CEP128: variants seen among roughly 807,000 people sequenced by gnomAD.
CEP128 encodes the protein centrosomal protein 128kDa.
A neutral mutation model predicts 156.7 loss-of-function variants in CEP128; 132 were observed. The observed-to-expected ratio is 0.84, with a 90% CI of 0.73 to 0.97. CEP128 has a LOEUF of 0.97. CEP128 is among the 50% of genes least tolerant of loss of function. The probability of loss-of-function intolerance (pLI) is 0.00; values close to 1 mark genes in which losing one functional copy is unlikely to be tolerated. For synonymous variants in CEP128, 469 were observed against 448.9 expected (o/e 1.04, Z -0.57); for missense variants, 1,252 against 1,281.9 (o/e 0.98, Z 0.36).
chr14:80,789,168 G>A (rs919298557), intron 14 of CEP128, among the ~76,000 whole-genome samples: 3 of 152,178 alleles, frequency 2.0e-5, no homozygotes, highest in Admixed American at 6.6e-5. Context: ...AAGATGTGAT[G>A]AGAACAACAT....
chr14:80,571,927 G>A (rs1008907831), intron 20 of CEP128, among the ~76,000 whole-genome samples: 2 of 152,208 alleles, frequency 1.3e-5, no homozygotes, highest in Non-Finnish European at 2.9e-5. Flanking sequence ...GAGTCTCAGC[G>A]ACATTATCCA....
At position 80,756,812 on chromosome 14, in the gene CEP128, C is replaced by A. The variant is rs182196024; in HGVS notation, c.2613+80G>T. 200 of 925,550 alleles carry A rather than the reference C, an allele frequency of 2.2e-4. 1 individual carries two copies. The highest frequency in any genetic ancestry group is 6.2e-5 in the Non-Finnish European group (36 of 583,556). The allele number at this position is 925,550 out of a possible 1,614,324, so 57.3% of individuals were successfully genotyped here. ...TAGCTTCATATGTTCAGTTACATAACAAAATAAATAGCTAAACCAAATAGG... is the reference window on the plus strand; with the variant it reads ...TAGCTTCATATGTTCAGTTACATAAAAAAATAAATAGCTAAACCAAATAGG... On this transcript the variant is annotated intron_variant, in intron 18 of 24. Coordinates refer to ENST00000555265, the MANE Select transcript of CEP128 (RefSeq NM_152446.5).
rs1257961012 is a variant in CEP128 at position 80,656,279 on chromosome 14, TTATATATATATTTATATA to T, written c.2807-75874_2807-75857del. Among the ~76,000 whole-genome samples the T allele has an allele frequency of 8.1e-3, 381 of 47,090 alleles. 37 individuals are homozygous for T. The highest frequency in any genetic ancestry group is 0.029 in the African/African-American group (364 of 12,428). The allele number at this position is 47,090 out of a possible 152,430, so 30.9% of individuals were successfully genotyped here. ...TTTCTCAATAAACCTAAGTTTTTAT[TTATATATATATTTATATA>T]TATATATATATATATATATATATAT... On this transcript the variant is annotated intron_variant, in intron 19 of 24. Coordinates refer to ENST00000555265, the MANE Select transcript of CEP128 (RefSeq NM_152446.5).
intron 12 of CEP128, among the ~76,000 whole-genome samples, 160 bp from the exon 13 acceptor site, chr14:80,831,454 T>G (rs1194812766): frequency 6.6e-6 from 1 of 152,198 alleles, no homozygotes; most frequent in Non-Finnish European, 1.5e-5. Context: ...TCAAGTTTTA[T>G]AGCTTTCAAA....
intron 19 of CEP128, among the ~76,000 whole-genome samples, chr14:80,722,821 C>CTTTTTTTT (rs142796338): frequency 9.6e-6 from 1 of 103,942 alleles, no homozygotes; most frequent in African/African-American, 4.2e-5. Flanking sequence ...TACTCTTTAT[C>CTTTTTTTT]TTTTTTTTTT....
chr14:80,618,687 A>G (rs1046204698), intron 19 of CEP128, among the ~76,000 whole-genome samples: 8 of 152,226 alleles, frequency 5.3e-5, no homozygotes, highest in African/African-American at 1.9e-4. Context: ...AAGGGCTTGC[A>G]TCCATTTTGA....
At chr14:80,486,222 G>A (rs12588053), downstream of CEP128, among the ~76,000 whole-genome samples, 64,375 of 151,994 alleles carry the variant, frequency 0.42, 16,176 homozygotes, top group East Asian at 0.69. Context: ...GGCGAAGAAT[G>A]CAGAAGCCTC....
intron 19 of CEP128, among the ~76,000 whole-genome samples, chr14:80,722,533 TAATA>T (rs1178022808): frequency 6.6e-6 from 1 of 151,362 alleles, no homozygotes; most frequent in African/African-American, 2.4e-5. Context: ...TAAGTATATA[TAATA>T]TATATATAAA....
intron 20 of CEP128, among the ~76,000 whole-genome samples, chr14:80,561,397 G>T (rs1047039235): frequency 4.6e-5 from 7 of 152,152 alleles, no homozygotes; most frequent in Non-Finnish European, 2.9e-5. Flanking sequence ...CCTCAAGGGG[G>T]CTTTGATCTA....
intron 4 of CEP128, among the ~76,000 whole-genome samples, chr14:80,908,185 C>T (rs139681139): frequency 6.6e-6 from 1 of 151,972 alleles, no homozygotes; most frequent in Non-Finnish European, 1.5e-5. Flanking sequence ...TATCCCATTT[C>T]CGACCCACAG....
chr14:80,742,770 C>T (rs989153855), intron 19 of CEP128: 4 of 300,538 alleles, frequency 1.3e-5, no homozygotes, highest in Non-Finnish European at 2.5e-5. Context: ...TGAACTAAGA[C>T]GTATTTTACT....
intron 10 of CEP128, among the ~76,000 whole-genome samples, chr14:80,838,642 T>C (rs1886204258): frequency 6.6e-6 from 1 of 152,124 alleles, no homozygotes; most frequent in Non-Finnish European, 1.5e-5. Context: ...TTAATCTAAA[T>C]TCTAAGGCAA....
intron 16 of CEP128, among the ~76,000 whole-genome samples, chr14:80,776,244 A>G (rs1900783705): frequency 6.6e-6 from 1 of 152,140 alleles, no homozygotes; most frequent in South Asian, 2.1e-4. Flanking sequence ...ATAAATTAGA[A>G]TTTTATTTTG....
In CEP128 at chr14:80,555,598, G is replaced by A. The variant is rs554085697; in HGVS notation, c.2880+3681C>T. On this transcript the variant is annotated intron_variant, in intron 21 of 24. Coordinates refer to ENST00000555265, the MANE Select transcript of CEP128 (RefSeq NM_152446.5). ...TCACAAGTTAATTTTATATGTGTAC[G>A]GGAGTCATGATTTTACCTTAAAAAA... 3.3e-4 allele frequency among the ~76,000 whole-genome samples: 50 copies of A among 152,078 alleles called. No individual in the cohort carries two copies. The South Asian group carries it at 6.6e-3, about 20-fold the overall frequency.
At chr14:80,523,339 C>T (rs1437392438) in intron 23 of CEP128, among the ~76,000 whole-genome samples, 2 of 152,200 alleles carry the variant, frequency 1.3e-5, no homozygotes, top group Non-Finnish European at 2.9e-5. Flanking sequence ...TTTCAAAAGA[C>T]TCTTGAGCAT....
chr14:80,938,147 C>G (rs1422122889), intron 2 of CEP128, among the ~76,000 whole-genome samples: 3 of 152,096 alleles, frequency 2.0e-5, no homozygotes, highest in African/African-American at 4.8e-5. Flanking sequence ...ATCCTCCTGC[C>G]TTGGCCTCCC....
At chr14:80,667,712 G>T (rs971432345) in intron 19 of CEP128, among the ~76,000 whole-genome samples, 1 of 151,968 alleles carries the variant, frequency 6.6e-6, no homozygotes, top group Non-Finnish European at 1.5e-5. Context: ...CAAAAAATTA[G>T]CTGGGTGTGG....
chr14:80,778,601 A>G (rs923836049), intron 15 of CEP128, among the ~76,000 whole-genome samples: 2 of 152,228 alleles, frequency 1.3e-5, no homozygotes, highest in Admixed American at 1.3e-4. Flanking sequence ...ATTATGAAGT[A>G]TAACAATCAA....
At position 80,715,881 on chromosome 14, in the gene CEP128, C is replaced by T. The variant is rs148988401; in HGVS notation, c.2806+27194G>A. Among the ~76,000 whole-genome samples the T allele has an allele frequency of 3.7e-4, 57 of 152,238 alleles. 3 individuals are homozygous for T. In the East Asian group the frequency reaches 0.011, roughly 29 times the overall value. On this transcript the variant is annotated intron_variant, in intron 19 of 24. Coordinates refer to ENST00000555265, the MANE Select transcript of CEP128 (RefSeq NM_152446.5). ...GACTGAGTAAGTTAGCATGTTATAGCGCTTAGAACAATGCTTGGCAAAAGA... is the reference window on the plus strand; with the variant it reads ...GACTGAGTAAGTTAGCATGTTATAGTGCTTAGAACAATGCTTGGCAAAAGA...
Sources: gnomAD v4.1 joint callset for allele counts (sites outside exome capture counted in the v4.1 genomes callset) on GRCh38, gnomAD v4.1.1 for gene constraint, MANE v1.5 for transcripts, NCBI Gene and HGNC (gene_info 2026-07-23, HGNC 2026-07-21) for gene names.